The following CCDC171 variants were observed in gnomAD, a reference collection of about 807,000 sequenced individuals.
CCDC171 encodes coiled-coil domain-containing protein 171.
In CCDC171, 177 loss-of-function variants were observed where a neutral mutation model predicts 168.2. That is an observed-to-expected ratio of 1.05 (90% CI 0.93 to 1.19). CCDC171 has a LOEUF of 1.19. Among genes scored for constraint, CCDC171 ranks in the 50% most tolerant of loss-of-function variants. The pLI is 0.00. For synonymous variants in CCDC171, 687 were observed against 540.8 expected (o/e 1.27, Z -3.75); for missense variants, 1,991 against 1,539.0 (o/e 1.29, Z -4.91).
intron 10 of CCDC171, among the ~76,000 whole-genome samples, chr9:15,689,599 T>G (rs1319882289): frequency 6.6e-6 from 1 of 152,174 alleles, no homozygotes; most frequent in Non-Finnish European, 1.5e-5. Flanking sequence ...TAGTTCCAGC[T>G]ATTCAGGAGG....
intron 20 of CCDC171, among the ~76,000 whole-genome samples, chr9:15,781,159 C>G (rs527480229): frequency 6.6e-6 from 1 of 152,254 alleles, no homozygotes; most frequent in Non-Finnish European, 1.5e-5. Context: ...TCTAAATATT[C>G]TACACAATTT....
intron 1 of CCDC171, among the ~76,000 whole-genome samples, chr9:15,560,872 A>G (rs2039243392): frequency 6.6e-6 from 1 of 151,872 alleles, no homozygotes; most frequent in African/African-American, 2.4e-5. Context: ...GGTTTTATCT[A>G]CCTTTGGTCT....
the CCDC171 span, among the ~76,000 whole-genome samples, chr9:16,084,984 T>C: frequency 1.3e-5 from 2 of 152,184 alleles, no homozygotes; most frequent in African/African-American, 4.8e-5. Flanking sequence ...TCATAACACC[T>C]AAAAATTATG....
intron 24 of CCDC171, among the ~76,000 whole-genome samples, chr9:15,907,983 A>G (rs929639645): frequency 9.9e-5 from 15 of 152,110 alleles, no homozygotes; most frequent in East Asian, 5.8e-4. Context: ...TAGAATGGCA[A>G]TCATTAAAAA....
At chr9:15,638,997 G>C (rs2046400239) in intron 7 of CCDC171, among the ~76,000 whole-genome samples, 2 of 152,058 alleles carry the variant, frequency 1.3e-5, no homozygotes, top group Non-Finnish European at 1.5e-5. Flanking sequence ...ATGGTAGAGA[G>C]AGAACAGTCT....
chr9:15,853,359 T>C (rs1320703676), intron 23 of CCDC171, among the ~76,000 whole-genome samples: 4 of 151,684 alleles, frequency 2.6e-5, no homozygotes, highest in Admixed American at 2.0e-4. Context: ...GGAACTGTTT[T>C]CTTAAGTCTA....
At chr9:16,003,922 G>T (rs1044819547) in intron 3 of CCDC171, among the ~76,000 whole-genome samples, 1 of 152,222 alleles carries the variant, frequency 6.6e-6, no homozygotes, top group Admixed American at 6.5e-5. Flanking sequence ...TGAGGGCTGT[G>T]TGCAAACACA....
At chr9:15,654,594 A>G (rs2047776216) in intron 7 of CCDC171, among the ~76,000 whole-genome samples, 2 of 152,208 alleles carry the variant, frequency 1.3e-5, no homozygotes. Flanking sequence ...TTGTCTGTAA[A>G]CAAAAAGAAA....
At chr9:15,600,573 C>G (rs867276732) in intron 6 of CCDC171, among the ~76,000 whole-genome samples, 1 of 152,240 alleles carries the variant, frequency 6.6e-6, no homozygotes, top group East Asian at 1.9e-4. Context: ...AGTTAGGCTA[C>G]TCGGGGGTCC....
At chr9:16,018,725 T>G (rs2133013756) in intron 3 of CCDC171, among the ~76,000 whole-genome samples, 1 of 152,306 alleles carries the variant, frequency 6.6e-6, no homozygotes, top group South Asian at 2.1e-4. Context: ...TTCCCTTAAT[T>G]CATTGGATAA....
At chr9:15,589,259 C>T (rs550957072) in intron 4 of CCDC171, among the ~76,000 whole-genome samples, 6 of 152,216 alleles carry the variant, frequency 3.9e-5, no homozygotes, top group South Asian at 2.1e-4. Context: ...TCCTCTTCTC[C>T]CTTCCATCCT....
intron 25 of CCDC171, among the ~76,000 whole-genome samples, chr9:15,933,503 T>C (rs1826762181): frequency 6.6e-6 from 1 of 152,056 alleles, no homozygotes. Flanking sequence ...TAGTCTCTAC[T>C]TTTAAAAATT....
chr9:15,722,769 T>C (rs781102520), intron 12 of CCDC171, among the ~76,000 whole-genome samples: 2 of 152,210 alleles, frequency 1.3e-5, no homozygotes, highest in Non-Finnish European at 2.9e-5. Flanking sequence ...AGTGAGTCTT[T>C]TTAATACCCT....
intron 7 of CCDC171, among the ~76,000 whole-genome samples, chr9:15,643,309 T>G (rs2046784815): frequency 6.6e-6 from 1 of 152,126 alleles, no homozygotes; most frequent in Non-Finnish European, 1.5e-5. Flanking sequence ...ACCTTATCCT[T>G]TATACTTTCT....
At chr9:16,065,569 C>T (rs1462171129), downstream of CCDC171, among the ~76,000 whole-genome samples, 1 of 152,168 alleles carries the variant, frequency 6.6e-6, no homozygotes, top group Non-Finnish European at 1.5e-5. Flanking sequence ...GCACAGAACG[C>T]AGCCACAACC....
At chr9:15,921,782 T>A (rs555176936) in intron 25 of CCDC171, among the ~76,000 whole-genome samples, 1 of 151,670 alleles carries the variant, frequency 6.6e-6, no homozygotes, top group Non-Finnish European at 1.5e-5. Context: ...TTTTAAAATT[T>A]TGGAGTATTT....
rs114457272 is a variant in CCDC171, at chr9:15,852,331, C to T, written c.3468+3384C>T. 7.8e-3 allele frequency among the ~76,000 whole-genome samples: 1,185 copies of T among 151,814 alleles called. 12 individuals carry two copies. Among genetic ancestry groups the T allele is most frequent in the African/African-American group, 0.027 (1,128 of 41,490 alleles). ...TGATTTGTATTTTCCTAATGACTAA[C>T]AATGTTGAACATGTTTTCATGTGAT... On this transcript the variant is annotated intron_variant, in intron 23 of 25. Transcript: ENST00000380701.
chr9:15,584,230 A>T (rs10756674), intron 4 of CCDC171, among the ~76,000 whole-genome samples: 67,240 of 152,118 alleles, frequency 0.44, 15,947 homozygotes, highest in East Asian at 0.84. Context: ...GGGGTTATTG[A>T]TATTGGTCAG....
At chr9:15,810,459 T>C (rs903599303) in intron 21 of CCDC171, among the ~76,000 whole-genome samples, 17 of 69,208 alleles carry the variant, frequency 2.5e-4, no homozygotes, top group African/African-American at 9.1e-4. Context: ...GTGGCGCCTG[T>C]CGGGGAGGCT....
Sources: allele counts gnomAD v4.1 joint callset (sites outside exome capture counted in the v4.1 genomes callset), GRCh38; gene constraint gnomAD v4.1.1; transcripts MANE v1.5; gene names NCBI Gene and HGNC (gene_info 2026-07-23, HGNC 2026-07-21).